BICRA: variants seen among roughly 807,000 people sequenced by gnomAD.
The protein encoded by BICRA is BRD4-interacting chromatin-remodeling complex-associated protein.
In BICRA, 31 loss-of-function variants were observed where a neutral mutation model predicts 96.9. The observed-to-expected ratio is 0.32, with a 90% CI of 0.24 to 0.43. The LOEUF is 0.43. Ranked by LOEUF, BICRA falls within the 20% of genes least tolerant of loss-of-function variation. BICRA has a pLI of 1.00. For synonymous variants in BICRA, 1,350 were observed against 1,071.8 expected (o/e 1.26, Z -5.07); for missense variants, 2,283 against 2,190.3 (o/e 1.04, Z -0.84).
chr19:47,693,500 C>T (rs2123604752), intron 7 of BICRA, among the ~76,000 whole-genome samples: 1 of 152,364 alleles, frequency 6.6e-6, no homozygotes, highest in Non-Finnish European at 1.5e-5. Context: ...TCCAGAGGTC[C>T]ACACGTGGCT....
At chr19:47,621,854 C>T (rs563237869) in intron 1 of BICRA, among the ~76,000 whole-genome samples, 24 of 152,130 alleles carry the variant, frequency 1.6e-4, no homozygotes, top group Admixed American at 5.2e-4. Flanking sequence ...TGCAATAGTG[C>T]GATCTTGGCT....
chr19:47,653,490 C>T (rs1038294211), intron 1 of BICRA, among the ~76,000 whole-genome samples: 1 of 152,158 alleles, frequency 6.6e-6, no homozygotes, highest in African/African-American at 2.4e-5. Context: ...AAAAAGAAGC[C>T]GTACTCATGA....
chr19:47,645,031 A>T (rs1177908303), intron 1 of BICRA, among the ~76,000 whole-genome samples: 1 of 152,090 alleles, frequency 6.6e-6, no homozygotes, highest in Admixed American at 6.5e-5. Flanking sequence ...ACAGTTATCA[A>T]ATGCACCTTG....
Position 47,701,347 on chromosome 19 carries a change from C to G in BICRA, c.3615C>G (p.Ser1205=), listed in dbSNP as rs1973439052. ...CTGCAGACGAGTACGTGTCTTCCTC[C>G]CGCTCGCTCGGCCTCCCCATCGCAG... ...KEKPDEYVSS[S]RSLGLPIAAS... is the part of the protein sequence containing the mutation. The change falls in exon 15 of 15, where the codon TCC becomes TCG. Residue 1205 remains serine, a synonymous_variant. Coordinates refer to ENST00000594866, the MANE Select transcript of BICRA (RefSeq NM_001394372.1). The surrounding 1 kb of genome is among the most constrained non-coding windows in gnomAD (Gnocchi z 5.4). The G allele has an allele frequency of 1.9e-6, 3 of 1,611,232 alleles. No individual in the cohort carries two copies. Among genetic ancestry groups the G allele is most frequent in the Non-Finnish European group, 2.5e-6 (3 of 1,179,344 alleles).
At chr19:47,623,504 C>T (rs1270866540) in intron 1 of BICRA, among the ~76,000 whole-genome samples, 1 of 152,206 alleles carries the variant, frequency 6.6e-6, no homozygotes, top group Non-Finnish European at 1.5e-5. Flanking sequence ...TTTTCGTCCT[C>T]CTGGTTAATT....
intron 1 of BICRA, among the ~76,000 whole-genome samples, chr19:47,618,021 A>G (rs567925968): frequency 6.6e-6 from 1 of 152,168 alleles, no homozygotes; most frequent in Non-Finnish European, 1.5e-5. Context: ...GGCTTTGATC[A>G]GGTGGTCCTT....
chr19:47,623,048 A>AGT (rs1200696178), intron 1 of BICRA, among the ~76,000 whole-genome samples: 6 of 151,448 alleles, frequency 4.0e-5, no homozygotes, highest in Non-Finnish European at 5.9e-5. Flanking sequence ...AAAAAAAAAA[A>AGT]GTGTGTGTGT....
At chr19:47,645,293 T>A (rs1015049125) in intron 1 of BICRA, among the ~76,000 whole-genome samples, 1 of 152,054 alleles carries the variant, frequency 6.6e-6, no homozygotes, top group Non-Finnish European at 1.5e-5. Flanking sequence ...GTAGAACGTC[T>A]CTCATTTTCA....
chr19:47,660,498 T>C (rs1324281172), intron 1 of BICRA, among the ~76,000 whole-genome samples: 1 of 152,160 alleles, frequency 6.6e-6, no homozygotes, highest in African/African-American at 2.4e-5. Flanking sequence ...TTCAACTCAC[T>C]ACAAAGGCCT....
chr19:47,632,783 C>T (rs1972239662), intron 1 of BICRA, among the ~76,000 whole-genome samples: 1 of 152,094 alleles, frequency 6.6e-6, no homozygotes, highest in African/African-American at 2.4e-5. Context: ...AGGCACAGGC[C>T]CACCCAGCCT....
At chr19:47,610,779 G>A (rs922477790) in intron 1 of BICRA, among the ~76,000 whole-genome samples, 5 of 152,092 alleles carry the variant, frequency 3.3e-5, no homozygotes, top group African/African-American at 1.2e-4. Flanking sequence ...ACCTCTCCCA[G>A]CACCTGGGGT....
rs535353565 is a variant in BICRA at position 47,681,499 on chromosome 19, C to T, written c.2106+223C>T. 1.3e-5 allele frequency among the ~76,000 whole-genome samples: 2 copies of T among 152,050 alleles called. 1 individual carries two copies. Among genetic ancestry groups the T allele is most frequent in the South Asian group, 4.1e-4 (2 of 4,832 alleles). ...ATTGGCAGGTTGGCTGACTGATAGA[C>T]AAGGGGCAGGACAACTGTTAGGCAG... On this transcript the variant is annotated intron_variant, in intron 6 of 14. Coordinates refer to ENST00000594866, the MANE Select transcript of BICRA (RefSeq NM_001394372.1).
At chr19:47,656,265 AACG>A (rs1972617600) in intron 1 of BICRA, among the ~76,000 whole-genome samples, 1 of 61,774 alleles carries the variant, frequency 1.6e-5, no homozygotes, top group Non-Finnish European at 3.0e-5. Flanking sequence ...TCAAAAAAAC[AACG>A]AGAAGGCTGT....
rs1477975370 is a variant in BICRA, at chr19:47,613,470, T to C, written c.-108+4302T>C. Among the ~76,000 whole-genome samples the C allele has an allele frequency of 2.0e-5, 3 of 151,346 alleles. No individual in the cohort carries two copies. In the East Asian group the frequency reaches 5.9e-4, roughly 30 times the overall value. ...CCCTGCAGGGGAGAGGGGTGGGGAG[T>C]ATGGTTATCTTGCCCTGGTCATATT... On this transcript the variant is annotated intron_variant, in intron 1 of 14. Transcript: ENST00000594866.
intron 1 of BICRA, among the ~76,000 whole-genome samples, chr19:47,643,915 A>G (rs1381616399): frequency 4.6e-5 from 7 of 152,186 alleles, no homozygotes; most frequent in Non-Finnish European, 1.0e-4. Context: ...TTGTAGACCT[A>G]GAAACTGAGG....
intron 1 of BICRA, among the ~76,000 whole-genome samples, chr19:47,653,931 C>A (rs966427769): frequency 6.6e-6 from 1 of 152,112 alleles, no homozygotes; most frequent in Non-Finnish European, 1.5e-5. Context: ...CTCCCAGGTT[C>A]AAGTGACTCT....
chr19:47,625,844 G>A (rs751211002), intron 1 of BICRA, among the ~76,000 whole-genome samples: 17 of 152,066 alleles, frequency 1.1e-4, no homozygotes, highest in Admixed American at 2.6e-4. Flanking sequence ...GAGGGAGGCC[G>A]TGGGGCTGTG....
intron 1 of BICRA, among the ~76,000 whole-genome samples, chr19:47,610,762 G>T (rs1238241530): frequency 6.6e-6 from 1 of 152,108 alleles, no homozygotes; most frequent in Admixed American, 6.6e-5. Flanking sequence ...AGCTCTCTGT[G>T]CTTTTAACCT....
At position 47,631,969 on chromosome 19, in the gene BICRA, G is replaced by A. The variant is rs1023086972; in HGVS notation, c.-108+22801G>A. On this transcript the variant is annotated intron_variant, in intron 1 of 14. Transcript: ENST00000594866. Reference sequence around the variant, plus strand: ...CGGCCTTTCCCTGCTTCTTTTAAATGGAATATTTTAGTGTTCCATTTTATC... The same window carrying A: ...CGGCCTTTCCCTGCTTCTTTTAAATAGAATATTTTAGTGTTCCATTTTATC... Among the ~76,000 whole-genome samples, 10 of 152,258 alleles carry A rather than the reference G, an allele frequency of 6.6e-5. No homozygotes were observed. The East Asian group carries it at 1.7e-3, about 26-fold the overall frequency.
Sources: gnomAD v4.1 joint callset for allele counts (sites outside exome capture counted in the v4.1 genomes callset) on GRCh38, gnomAD v4.1.1 for gene constraint, Gnocchi (gnomAD v3.1) non-coding constraint, MANE v1.5 for transcripts, NCBI Gene and HGNC (gene_info 2026-07-23, HGNC 2026-07-21) for gene names.